NEGR1: variants seen among roughly 807,000 people sequenced by gnomAD.
The protein encoded by NEGR1 is neuronal growth regulator 1.
In NEGR1, 10 loss-of-function variants were observed where a neutral mutation model predicts 40.9. The ratio of observed to expected loss-of-function variants is 0.24; its 90% CI spans 0.15 to 0.42. The LOEUF (loss-of-function observed/expected upper bound fraction) is 0.42, where lower values mean the gene tolerates loss of function less well. NEGR1 is among the 10% of genes least tolerant of loss of function. NEGR1 has a pLI of 1.00. For synonymous variants in NEGR1, 185 were observed against 166.8 expected, an observed-to-expected ratio of 1.11 and a Z score of -0.84; for missense variants, 352 against 438.9, an observed-to-expected ratio of 0.80 and a Z score of 1.77.
At chr1:71,938,649 T>C (rs2100239625) in intron 1 of NEGR1, among the ~76,000 whole-genome samples, 1 of 152,206 alleles carries the variant, frequency 6.6e-6, no homozygotes, top group East Asian at 1.9e-4. Context: ...GCAATTTATT[T>C]TTGTACTCTT....
intron 2 of NEGR1, among the ~76,000 whole-genome samples, chr1:71,825,283 A>T (rs1277516574): frequency 6.6e-6 from 1 of 151,956 alleles, no homozygotes; most frequent in Admixed American, 6.6e-5. Flanking sequence ...AAGAAATTAG[A>T]TGTGGTTTAA....
chr1:71,715,307 A>G (rs940178182), intron 3 of NEGR1, among the ~76,000 whole-genome samples: 3 of 152,098 alleles, frequency 2.0e-5, no homozygotes, highest in African/African-American at 4.8e-5. Context: ...TGATGGGAGG[A>G]CCTGCCATGA....
chr1:72,282,282 AC>A (rs1656286435), intron 1 of NEGR1, 36 bp downstream of exon 1: 1 of 1,610,524 alleles, frequency 6.2e-7, no homozygotes, highest in Non-Finnish European at 8.5e-7. Flanking sequence ...AGAAAGATAG[AC>A]CGAAACAAGT....
chr1:71,565,699 G>A (rs1177812923), intron 6 of NEGR1, among the ~76,000 whole-genome samples: 2 of 152,148 alleles, frequency 1.3e-5, no homozygotes, highest in East Asian at 3.9e-4. Flanking sequence ...AAATAAATAT[G>A]ATAGATGCAA....
chr1:72,155,964 A>G (rs1008830620), intron 1 of NEGR1, among the ~76,000 whole-genome samples: 4 of 152,158 alleles, frequency 2.6e-5, no homozygotes, highest in Non-Finnish European at 5.9e-5. Flanking sequence ...TATCCAAGAA[A>G]CAGGGTGGTC....
intron 6 of NEGR1, among the ~76,000 whole-genome samples, chr1:71,476,526 T>C (rs967434686): frequency 2.0e-5 from 3 of 151,964 alleles, no homozygotes; most frequent in African/African-American, 7.2e-5. Context: ...ACGTGTGGGG[T>C]AGGAGCTTTA....
intron 2 of NEGR1, among the ~76,000 whole-genome samples, chr1:71,831,302 C>A (rs1658831749): frequency 6.6e-6 from 1 of 151,652 alleles, no homozygotes; most frequent in Admixed American, 6.6e-5. Context: ...TGGTTTCTGC[C>A]CCTAGGGAGT....
At chr1:72,133,596 T>A (rs1206631325) in intron 1 of NEGR1, among the ~76,000 whole-genome samples, 1 of 151,928 alleles carries the variant, frequency 6.6e-6, no homozygotes, top group Non-Finnish European at 1.5e-5. Flanking sequence ...GTGGTTGAAA[T>A]TCCCTCATAT....
chr1:71,999,682 T>TATATAC lies in NEGR1; in HGVS notation c.177-64372_177-64371insGTATAT, dbSNP rs1317765700. On this transcript the variant is annotated intron_variant, in intron 1 of 6. Transcript: ENST00000357731. ...ATATATATATATATATATATATACA[T>TATATAC]ACATATTTTTGTCCGGTCTCGGAGC... is the stretch of plus-strand genomic sequence containing the variant. 4.9e-3 allele frequency among the ~76,000 whole-genome samples: 446 copies of TATATAC among 91,648 alleles called. 36 individuals are homozygous for TATATAC. The highest frequency in any genetic ancestry group is 6.8e-3 in the Middle Eastern group (1 of 146). 60.1% of individuals were successfully genotyped at this position (91,648 alleles called of 152,430 possible).
intron 1 of NEGR1, among the ~76,000 whole-genome samples, chr1:72,281,383 T>C (rs1656241713): frequency 6.6e-6 from 1 of 152,058 alleles, no homozygotes; most frequent in South Asian, 2.1e-4. Flanking sequence ...TCTTACAGCA[T>C]GGAAGTGCCA....
At chr1:72,159,172 AG>A (rs34044238) in intron 1 of NEGR1, among the ~76,000 whole-genome samples, 1 of 152,176 alleles carries the variant, frequency 6.6e-6, no homozygotes, top group East Asian at 1.9e-4. Context: ...AAATCTATGC[AG>A]GTTATATTTT....
chr1:71,480,185 G>A (rs1017118093), intron 6 of NEGR1, among the ~76,000 whole-genome samples: 1 of 151,884 alleles, frequency 6.6e-6, no homozygotes, highest in African/African-American at 2.4e-5. Flanking sequence ...CTATGTGCCA[G>A]ACATTGTTGT....
intron 1 of NEGR1, among the ~76,000 whole-genome samples, chr1:72,062,498 T>C (rs1369952045): frequency 6.6e-6 from 1 of 151,952 alleles, no homozygotes; most frequent in Non-Finnish European, 1.5e-5. Context: ...GCCCATCACC[T>C]AGAATAGTGT....
At chr1:72,220,131 T>C (rs1653962063) in intron 1 of NEGR1, among the ~76,000 whole-genome samples, 1 of 152,012 alleles carries the variant, frequency 6.6e-6, no homozygotes, top group South Asian at 2.1e-4. Context: ...TTAAAACATG[T>C]AACAACTCTC....
chr1:71,711,262 G>A (rs1557623306), intron 3 of NEGR1, among the ~76,000 whole-genome samples: 3 of 146,776 alleles, frequency 2.0e-5, no homozygotes, highest in South Asian at 2.2e-4. Context: ...GGAGAAGGGC[G>A]TGAACCCGGG....
intron 6 of NEGR1, among the ~76,000 whole-genome samples, chr1:71,420,702 G>T (rs952501591): frequency 6.6e-6 from 1 of 151,984 alleles, no homozygotes; most frequent in Admixed American, 6.6e-5. Flanking sequence ...GCTAGACAGA[G>T]AATTAATGTA....
At chr1:72,071,545 A>G (rs1283903916) in intron 1 of NEGR1, among the ~76,000 whole-genome samples, 1 of 152,058 alleles carries the variant, frequency 6.6e-6, no homozygotes, top group Non-Finnish European at 1.5e-5. Context: ...CTTACCTGTC[A>G]CCATCCCCAT....
rs1646252944 is a variant in NEGR1 at position 71,402,457 on chromosome 1, G to A, written c.*4989C>T. 2 of 152,120 alleles carry A rather than the reference G, an allele frequency of 1.3e-5. No individual in the cohort carries two copies. Among genetic ancestry groups the A allele is most frequent in the South Asian group, 4.1e-4 (2 of 4,836 alleles). The allele number at this position is 152,120 out of a possible 1,614,324, so 9.4% of individuals were successfully genotyped here. ...GATGACTGTGGGTAGAGCTTCTAGGGAGAAGAATGAAACGTATTCCTCTTT... is the reference window on the plus strand; with the variant it reads ...GATGACTGTGGGTAGAGCTTCTAGGAAGAAGAATGAAACGTATTCCTCTTT... On this transcript the variant is annotated 3_prime_UTR_variant, in exon 7 of 7. Coordinates refer to ENST00000357731, the MANE Select transcript of NEGR1 (RefSeq NM_173808.3).
intron 1 of NEGR1, among the ~76,000 whole-genome samples, chr1:72,262,782 C>T (rs1483485253): frequency 2.0e-5 from 3 of 151,772 alleles, no homozygotes; most frequent in Admixed American, 6.6e-5. Context: ...GCATATAATG[C>T]TTTTTAAAGC....
Sources: allele counts gnomAD v4.1 joint callset (sites outside exome capture counted in the v4.1 genomes callset), GRCh38; gene constraint gnomAD v4.1.1; transcripts MANE v1.5; gene names NCBI Gene and HGNC (gene_info 2026-07-23, HGNC 2026-07-21).